The following DLGAP1 variants were observed in gnomAD, a reference collection of about 807,000 sequenced individuals.
DLGAP1 encodes the protein disks large-associated protein 1.
A neutral mutation model predicts 90.8 loss-of-function variants in DLGAP1; 11 were observed. That is an observed-to-expected ratio of 0.12 (90% CI 0.08 to 0.20). The LOEUF (loss-of-function observed/expected upper bound fraction) is 0.20. DLGAP1 is among the 10% of genes least tolerant of loss of function. The pLI, the probability that DLGAP1 is intolerant of heterozygous loss-of-function variation, is 1.00. For missense variants in DLGAP1, 1,050 were observed against 1,333.8 expected, an observed-to-expected ratio of 0.79 and a Z score of 3.31; for synonymous variants, 558 against 540.7, an observed-to-expected ratio of 1.03 and a Z score of -0.44.
chr18:4,280,972 T>C (rs577934988), intron 1 of DLGAP1: 1 of 152,360 alleles, frequency 6.6e-6, no homozygotes, highest in African/African-American at 2.4e-5. Context: ...TATAAATTTC[T>C]TTTTAACCCT....
At chr18:4,108,743 AG>A (rs1598414534) in intron 2 of DLGAP1, among the ~76,000 whole-genome samples, 1 of 152,200 alleles carries the variant, frequency 6.6e-6, no homozygotes, top group Admixed American at 6.5e-5. Flanking sequence ...ACAGTGAGGA[AG>A]GAAGTATCTT....
rs576116780 is a variant in DLGAP1 at position 4,021,581 on chromosome 18, CTT to C, written c.-158-16382_-158-16381del. ...TAAAATTGCCTGGTCTCAGGTATTT[CTT>C]TTCTTTTCTTTTTCTTTCTTTTTTT... On this transcript the variant is annotated intron_variant, in intron 2 of 12. Transcript: ENST00000315677. 2.9e-3 allele frequency among the ~76,000 whole-genome samples: 441 copies of C among 152,138 alleles called. 3 individuals are homozygous for C. The highest frequency in any genetic ancestry group is 0.01 in the African/African-American group (421 of 41,510).
chr18:3,836,068 A>G (rs1369623560), intron 4 of DLGAP1, among the ~76,000 whole-genome samples: 1 of 152,256 alleles, frequency 6.6e-6, no homozygotes, highest in East Asian at 1.9e-4. Context: ...ACGATTCCAC[A>G]GAGTTCAAGA....
intron 1 of DLGAP1, among the ~76,000 whole-genome samples, chr18:4,331,735 GA>G (rs1445249337): frequency 6.6e-6 from 1 of 151,738 alleles, no homozygotes; most frequent in Non-Finnish European, 1.5e-5. Flanking sequence ...TCGGCTTCTT[GA>G]TTCTATTAAA....
At position 3,567,480 on chromosome 18, in the gene DLGAP1, G is replaced by T. The variant is rs2054503314; in HGVS notation, c.2057+10C>A. The T allele has an allele frequency of 6.2e-7, 1 of 1,610,214 alleles. No homozygotes were observed. The highest frequency in any genetic ancestry group is 1.3e-5 in the African/African-American group (1 of 74,818). ...TCAAGACAAAAGAGGATGCGTGCATGTGGACTTACCACTTCTCTTCTTCTA... is the reference window on the plus strand; with the variant it reads ...TCAAGACAAAAGAGGATGCGTGCATTTGGACTTACCACTTCTCTTCTTCTA... On this transcript the variant is annotated intron_variant, in intron 9 of 12. Transcript: ENST00000315677.
intron 5 of DLGAP1, among the ~76,000 whole-genome samples, chr18:3,749,375 A>G (rs1366907799): frequency 6.6e-6 from 1 of 150,572 alleles, no homozygotes; most frequent in Admixed American, 6.6e-5. Flanking sequence ...CTGATCTTGA[A>G]CTCATGACCT....
chr18:3,818,346 GTTTTTTTTTTTT>G (rs398031872), intron 4 of DLGAP1, among the ~76,000 whole-genome samples: 4 of 66,456 alleles, frequency 6.0e-5, no homozygotes, highest in African/African-American at 1.2e-4. Flanking sequence ...TGTAGGGATG[GTTTTTTTTTTTT>G]TTTTTTTTTT....
intron 9 of DLGAP1, among the ~76,000 whole-genome samples, chr18:3,540,509 C>A (rs897555218): frequency 6.0e-5 from 9 of 148,994 alleles, no homozygotes; most frequent in African/African-American, 2.3e-4. Context: ...TTCAAGCTCC[C>A]CCAAAAGAGG....
intron 7 of DLGAP1, among the ~76,000 whole-genome samples, chr18:3,712,311 G>A (rs1446334485): frequency 2.6e-5 from 4 of 152,330 alleles, no homozygotes; most frequent in East Asian, 1.9e-4. Context: ...CAAGAGCAGC[G>A]TTTGCCGCGG....
chr18:4,259,600 A>G (rs2078964952), intron 1 of DLGAP1, among the ~76,000 whole-genome samples: 1 of 152,220 alleles, frequency 6.6e-6, no homozygotes, highest in Non-Finnish European at 1.5e-5. Context: ...TGTGATCTCT[A>G]GAGATAAACC....
chr18:4,185,351 C>T (rs1296208306), intron 1 of DLGAP1, among the ~76,000 whole-genome samples: 3 of 151,628 alleles, frequency 2.0e-5, no homozygotes, highest in Non-Finnish European at 4.4e-5. Context: ...GTTTGTTGTA[C>T]AGATTATTTC....
chr18:4,363,200 T>C (rs892308438), intron 1 of DLGAP1, among the ~76,000 whole-genome samples: 3 of 152,072 alleles, frequency 2.0e-5, no homozygotes, highest in Non-Finnish European at 4.4e-5. Context: ...TATGCACACA[T>C]GGGCAAGGCT....
chr18:4,146,650 C>T (rs1014690530), intron 2 of DLGAP1, among the ~76,000 whole-genome samples: 2 of 151,956 alleles, frequency 1.3e-5, no homozygotes, highest in African/African-American at 2.4e-5. Context: ...AATATTTAAG[C>T]TTTACTATTA....
intron 1 of DLGAP1, among the ~76,000 whole-genome samples, chr18:4,203,738 T>C (rs1302071918): frequency 2.0e-5 from 3 of 152,196 alleles, no homozygotes; most frequent in African/African-American, 7.2e-5. Context: ...TGATGACTAA[T>C]ACAACATGGT....
At chr18:4,090,010 A>C (rs952263933) in intron 2 of DLGAP1, among the ~76,000 whole-genome samples, 8 of 152,080 alleles carry the variant, frequency 5.3e-5, no homozygotes, top group South Asian at 2.1e-4. Context: ...GCGCCGCTGC[A>C]CTCCAGCCTG....
At chr18:4,204,906 T>C (rs1598616202) in intron 1 of DLGAP1, among the ~76,000 whole-genome samples, 1 of 152,104 alleles carries the variant, frequency 6.6e-6, no homozygotes. Context: ...GTTTGTTTTC[T>C]TTCATAATCC....
chr18:4,389,809 T>G (rs2082304604), intron 1 of DLGAP1, among the ~76,000 whole-genome samples: 1 of 152,214 alleles, frequency 6.6e-6, no homozygotes, highest in African/African-American at 2.4e-5. Context: ...GAGTTTGCTG[T>G]TGGCACACAA....
At chr18:4,427,934 T>C (rs2083192780) in intron 1 of DLGAP1, among the ~76,000 whole-genome samples, 2 of 152,196 alleles carry the variant, frequency 1.3e-5, no homozygotes, top group Non-Finnish European at 2.9e-5. Flanking sequence ...AATACAAAGA[T>C]GGTCTTTACT....
At chr18:3,981,746 C>T (rs1465709240) in intron 3 of DLGAP1, among the ~76,000 whole-genome samples, 4 of 152,146 alleles carry the variant, frequency 2.6e-5, no homozygotes, top group Non-Finnish European at 2.9e-5. Context: ...TTCAGGGTGT[C>T]CCAGGATGGC....
Sources: allele counts gnomAD v4.1 joint callset (sites outside exome capture counted in the v4.1 genomes callset), GRCh38; gene constraint gnomAD v4.1.1; transcripts MANE v1.5; gene names NCBI Gene and HGNC (gene_info 2026-07-23, HGNC 2026-07-21).